Variants in USH1C observed in about 807,000 individuals in gnomAD.
USH1C encodes harmonin.
In USH1C, 90 loss-of-function variants were observed where a neutral mutation model predicts 119.3. The observed-to-expected ratio is 0.75, with a 90% CI of 0.64 to 0.90. USH1C has a LOEUF of 0.90. Among genes scored for constraint, USH1C ranks in the 40% least tolerant of loss-of-function variants. USH1C has a pLI of 0.00. For missense variants in USH1C, 1,165 were observed against 1,167.7 expected (o/e 1.00, Z 0.03); for synonymous variants, 465 against 443.3 (o/e 1.05, Z -0.62).
At position 17,531,096 on chromosome 11, in the gene USH1C, G is replaced by C; in HGVS notation, c.387+58C>G. ...GCCACACAGCCTAGTGGATGAATGA[G>C]GGGGAGGCAGGAGGTCCGAGGCCCT... On this transcript the variant is annotated intron_variant, in intron 4 of 26. Transcript: ENST00000005226. This position sits in a 1 kb window ranked among gnomAD's most constrained non-coding sequence, Gnocchi z 4.2. 6.2e-7 allele frequency: 1 copy of C among 1,611,580 alleles called. No individual in the cohort carries two copies. Among genetic ancestry groups the C allele is most frequent in the Non-Finnish European group, 8.5e-7 (1 of 1,179,366 alleles).
intron 16 of USH1C, among the ~76,000 whole-genome samples, chr11:17,511,396 G>A (rs1048291075): frequency 2.0e-5 from 3 of 152,098 alleles, no homozygotes; most frequent in East Asian, 3.9e-4. Flanking sequence ...ATTCAGACTC[G>A]TAGACAGGTC....
chr11:17,521,507 T>G, intron 12 of USH1C, 96 bp from the exon 13 acceptor site: 1 of 1,315,268 alleles, frequency 7.6e-7, no homozygotes. Flanking sequence ...AGTTGGATTT[T>G]TCTCCAGGCT....
rs775519842 is a variant in USH1C at position 17,523,249 on chromosome 11, T to A, written c.838A>T (p.Ser280Cys). Reference sequence around the variant, plus strand: ...ATGGAGATGGTCAGGCTGCGGCTACTCTTCAGCACATTTACAGCCTGTGGG... The same window carrying A: ...ATGGAGATGGTCAGGCTGCGGCTACACTTCAGCACATTTACAGCCTGTGGG... ...DHKEAVNVLK[S>C]SRSLTISIVA... is the part of the protein sequence containing the mutation. The change falls in exon 11 of 27, where the codon AGT (serine) becomes TGT (cysteine). Residue 280 changes from serine to cysteine, a missense_variant. Ser to Cys is a moderately radical substitution (Grantham distance 112, BLOSUM62 -1). Transcript: ENST00000005226. 7 of 1,614,174 alleles carry A rather than the reference T, an allele frequency of 4.3e-6. No homozygotes were observed. The highest frequency in any genetic ancestry group is 5.1e-6 in the Non-Finnish European group (6 of 1,180,016).
intron 2 of USH1C, among the ~76,000 whole-genome samples, chr11:17,532,184 C>G (rs956483669): frequency 5.9e-5 from 9 of 152,244 alleles, no homozygotes; most frequent in African/African-American, 2.2e-4. Context: ...CCTACTCCCC[C>G]AGATTACTTA....
intron 26 of USH1C, chr11:17,494,602 A>C: frequency 3.3e-6 from 2 of 607,744 alleles, no homozygotes; most frequent in Non-Finnish European, 5.9e-6. Context: ...GGATGGGGGA[A>C]GGAGGAGACT....
chr11:17,517,476 T>C, intron 14 of USH1C: 1 of 1,589,938 alleles, frequency 6.3e-7, no homozygotes, highest in Non-Finnish European at 8.6e-7. Context: ...CCTGATCATC[T>C]ACCCAGGGAA....
rs755304439 is a variant in USH1C at position 17,509,539 on chromosome 11, G to A, written c.1830C>T (p.Ser610=). The change falls in exon 18 of 27, where the codon TCC becomes TCT. Residue 610 remains serine, a synonymous_variant. Coordinates refer to ENST00000005226, the MANE Select transcript of USH1C (RefSeq NM_153676.4). ...TGGGAGTGAGGTCTTGGGTGGGAAC[G>A]GATGGCGGGGGAGGGATGGGAATGG... is the stretch of plus-strand genomic sequence containing the variant. ...PPPIPIPPPP[S]VPTQDLTPTR... The A allele has an allele frequency of 2.4e-5, 38 of 1,601,816 alleles. No homozygotes were observed. The highest frequency in any genetic ancestry group is 2.7e-5 in the Non-Finnish European group (32 of 1,173,690).
At chr11:17,494,447 G>T (rs1849173657) in intron 26 of USH1C, 71 bp from the exon 27 acceptor site, 4 of 1,520,348 alleles carry the variant, frequency 2.6e-6, no homozygotes, top group Non-Finnish European at 3.6e-6. Context: ...GCCAGAGCAA[G>T]GCCCCACAAG....
At chr11:17,533,200 C>T in intron 2 of USH1C, 55 bp downstream of exon 2, 1 of 1,401,226 alleles carries the variant, frequency 7.1e-7, no homozygotes, top group Non-Finnish European at 1.0e-6. Context: ...TCCCAGGGCT[C>T]CCTGAAGACA....
In USH1C at chr11:17,520,860, T is replaced by C. The variant is rs918131488; in HGVS notation, c.1210+10A>G. The C allele has an allele frequency of 1.9e-6, 3 of 1,614,086 alleles. No individual in the cohort carries two copies. The highest frequency in any genetic ancestry group is 2.2e-5 in the East Asian group (1 of 44,896). On this transcript the variant is annotated intron_variant, in intron 14 of 26. Transcript: ENST00000005226. ...TCCCTTAGCCTCTCCCCTCGGCTCA[T>C]GAAACTTACACTTTGGCTTGCGAAG...
At chr11:17,533,444 G>T in intron 1 of USH1C, 122 bp from the exon 2 acceptor site, 1 of 746,678 alleles carries the variant, frequency 1.3e-6, no homozygotes, top group East Asian at 2.6e-5. Context: ...GGAGTTGTGA[G>T]GAGAGAAGAG....
chr11:17,538,579 T>C (rs1441548493), intron 1 of USH1C, among the ~76,000 whole-genome samples: 2 of 152,174 alleles, frequency 1.3e-5, no homozygotes, highest in Non-Finnish European at 2.9e-5. Flanking sequence ...TGAGTGAGTA[T>C]GTGTAAAGCA....
At chr11:17,518,961 C>T (rs899342166) in intron 14 of USH1C, among the ~76,000 whole-genome samples, 1 of 151,602 alleles carries the variant, frequency 6.6e-6, no homozygotes, top group Non-Finnish European at 1.5e-5. Flanking sequence ...GCGGAGGCTG[C>T]GGGGAGCTGA....
chr11:17,538,591 G>A lies in USH1C; in HGVS notation c.37-5269C>T, dbSNP rs182786537. Among the ~76,000 whole-genome samples, 77 of 152,258 alleles carry A rather than the reference G, an allele frequency of 5.1e-4. No homozygotes were observed. The East Asian group carries it at 0.011, about 22-fold the overall frequency. ...AAATGAGTGAGTATGTGTAAAGCAC[G>A]TATGACAATGCCTGGGACATTTCAA... On this transcript the variant is annotated intron_variant, in intron 1 of 26. Transcript: ENST00000005226.
chr11:17,532,257 G>A (rs1447752684), intron 2 of USH1C, among the ~76,000 whole-genome samples: 1 of 152,052 alleles, frequency 6.6e-6, no homozygotes, highest in Non-Finnish European at 1.5e-5. Flanking sequence ...CCTCATTCTG[G>A]AATGCCCTTC....
chr11:17,528,958 G>A (rs1210095858), intron 4 of USH1C, among the ~76,000 whole-genome samples: 1 of 152,234 alleles, frequency 6.6e-6, no homozygotes, highest in Non-Finnish European at 1.5e-5. Flanking sequence ...GGCTCAGAGA[G>A]GTAAAGTGAC....
Position 17,522,766 on chromosome 11 carries a change from A to C in USH1C, c.1019+18T>G. 6.2e-7 allele frequency: 1 copy of C among 1,613,808 alleles called. No homozygotes were observed. The highest frequency in any genetic ancestry group is 8.5e-7 in the Non-Finnish European group (1 of 1,179,988). Reference sequence around the variant, plus strand: ...GGGTGGGAGGCGGGACAGGGCATCCAGGGCTGGCTGCACTCACTGCCGCTC... The same window carrying C: ...GGGTGGGAGGCGGGACAGGGCATCCCGGGCTGGCTGCACTCACTGCCGCTC... On this transcript the variant is annotated intron_variant, in intron 12 of 26. Transcript: ENST00000005226.
Position 17,512,179 on chromosome 11 carries a change from A to G in USH1C, c.1261-125T>C, listed in dbSNP as rs1469216092. 8 of 1,052,464 alleles carry G rather than the reference A, an allele frequency of 7.6e-6. No homozygotes were observed. The African/African-American group carries it at 1.2e-4, about 16-fold the overall frequency. The allele number at this position is 1,052,464 out of a possible 1,614,324, so 65.2% of individuals were successfully genotyped here. A position where few individuals can be genotyped will look rare whatever the true frequency, so the allele number is the denominator to read the frequency against. On this transcript the variant is annotated intron_variant, in intron 15 of 26. Transcript: ENST00000005226. ...GGTGAGCCCCTCCCCCAGCTCTCTC[A>G]CCACTCTGGACATCAGACCTCAGGT...
chr11:17,541,785 G>A (rs545299730), intron 1 of USH1C, among the ~76,000 whole-genome samples: 2 of 152,362 alleles, frequency 1.3e-5, no homozygotes, highest in East Asian at 3.9e-4. Context: ...CACTCTGCAG[G>A]TATCAGCTGG....
Sources: allele counts gnomAD v4.1 joint callset (sites outside exome capture counted in the v4.1 genomes callset), GRCh38; gene constraint gnomAD v4.1.1; non-coding constraint Gnocchi (gnomAD v3.1); transcripts MANE v1.5; gene names NCBI Gene and HGNC (gene_info 2026-07-23, HGNC 2026-07-21).